The following SHPRH variants were observed in gnomAD, a reference collection of about 807,000 sequenced individuals.
SHPRH encodes SNF2 histone linker PHD RING helicase.
A neutral mutation model predicts 202.5 loss-of-function variants in SHPRH; 106 were observed. That is an observed-to-expected ratio of 0.52 (90% CI 0.45 to 0.62). The LOEUF (loss-of-function observed/expected upper bound fraction) is 0.62. Among genes scored for constraint, SHPRH ranks in the 20% least tolerant of loss-of-function variants. SHPRH has a pLI of 0.00. For synonymous variants in SHPRH, 729 were observed against 686.0 expected, an observed-to-expected ratio of 1.06 and a Z score of -0.98; for missense variants, 1,710 against 2,020.0, an observed-to-expected ratio of 0.85 and a Z score of 2.94.
At chr6:145,935,491 C>A in intron 11 of SHPRH, 50 bp from the exon 12 acceptor site, 1 of 1,580,152 alleles carries the variant, frequency 6.3e-7, no homozygotes, top group Non-Finnish European at 8.6e-7. Flanking sequence ...TACTTCATTA[C>A]TAGTTTGCAG....
intron 25 of SHPRH, chr6:145,907,378 A>G (rs2128731461): frequency 6.6e-6 from 1 of 152,168 alleles, no homozygotes; most frequent in African/African-American, 2.4e-5. Context: ...GCTCTCTCCA[A>G]ATTTCTTCTG....
intron 2 of SHPRH, among the ~76,000 whole-genome samples, chr6:145,954,400 G>C (rs1788282534): frequency 6.6e-6 from 1 of 152,010 alleles, no homozygotes; most frequent in Non-Finnish European, 1.5e-5. Flanking sequence ...CATTTGAAAA[G>C]GCAAAATAGC....
chr6:145,902,649 G>A (rs1256895301), intron 25 of SHPRH, among the ~76,000 whole-genome samples: 1 of 151,550 alleles, frequency 6.6e-6, no homozygotes, highest in East Asian at 1.9e-4. Flanking sequence ...GGAAAAAAGA[G>A]GGCGCAATAT....
Position 145,923,772 on chromosome 6 carries a change from G to A in SHPRH, c.3416C>T (p.Ser1139Phe), listed in dbSNP as rs1784628371. 3 of 1,607,606 alleles carry A rather than the reference G, an allele frequency of 1.9e-6. No homozygotes were observed. The highest frequency in any genetic ancestry group is 1.1e-5 in the South Asian group (1 of 90,048). The change falls in exon 18 of 30, where the codon TCT becomes TTT. Residue 1139 changes from serine to phenylalanine, a missense_variant. Transcript: ENST00000275233. ...GTGGATCACATTTAGCCACCAAGGA[G>A]AATTAGAATGAATCTGTAAAAAAGG... ...HELQRKIHSN[S>F]PWWLNVIHRA...
At chr6:145,961,705 G>A in intron 1 of SHPRH, among the ~76,000 whole-genome samples, 1 of 152,154 alleles carries the variant, frequency 6.6e-6, no homozygotes, top group East Asian at 1.9e-4. Flanking sequence ...GTACTTATCA[G>A]TGATAATGAT....
chr6:145,937,048 A>G (rs1786178129), intron 11 of SHPRH, among the ~76,000 whole-genome samples: 1 of 148,296 alleles, frequency 6.7e-6, no homozygotes, highest in African/African-American at 2.5e-5. Flanking sequence ...CAACGGTGCA[A>G]TCTCAGCTCA....
chr6:145,928,777 C>A (rs1318745998), intron 14 of SHPRH, among the ~76,000 whole-genome samples: 1 of 151,872 alleles, frequency 6.6e-6, no homozygotes, highest in East Asian at 1.9e-4. Context: ...TATTAGTTAG[C>A]TAATACAAAG....
intron 1 of SHPRH, 27 bp from the exon 2 acceptor site, chr6:145,955,381 G>C: frequency 3.3e-6 from 5 of 1,522,778 alleles, no homozygotes; most frequent in Non-Finnish European, 3.5e-6. Flanking sequence ...ACAACAGGAG[G>C]TATAACAAGA....
rs1583289888 is a variant in SHPRH at position 145,885,692 on chromosome 6, A to T, written c.*999T>A. 2 of 152,204 alleles carry T rather than the reference A, an allele frequency of 1.3e-5. No individual in the cohort carries two copies. The highest frequency in any genetic ancestry group is 2.4e-5 in the African/African-American group (1 of 41,468). The allele number at this position is 152,204 out of a possible 1,614,324, so 9.4% of individuals were successfully genotyped here. A position where few individuals can be genotyped will look rare whatever the true frequency, so the allele number is the denominator to read the frequency against. ...AACGATTTGCTTATGTGAACATGGC[A>T]TTCTCTTGTTCAAAAGGTCAAAGAC... On this transcript the variant is annotated 3_prime_UTR_variant, in exon 30 of 30. Transcript: ENST00000275233.
exon 3 of SHPRH, chr6:145,864,437 G>A (rs1399359841): frequency 2.5e-6 from 1 of 393,844 alleles, no homozygotes; most frequent in Admixed American, 2.7e-5. Flanking sequence ...GGGACCAGGG[G>A]TGGGAGAATG....
rs1786795088 is a variant in SHPRH, at chr6:145,941,711, T to C, written c.2402A>G (p.Tyr801Cys). The change falls in exon 10 of 30, where the codon TAT becomes TGT. Residue 801 changes from tyrosine (Y) to cysteine (C), a missense_variant. Physicochemically the swap from Tyr to Cys is radical, Grantham distance 194. This residue lies in a region of SHPRH where 277 missense variants were observed against 363.0 expected (regional missense o/e 0.76). Transcript: ENST00000275233. The part of the protein sequence containing the change: ...DGRRLRNQKR[Y>C]MAIPSPLVAV... The stretch of plus-strand genomic sequence containing the variant: ...TACCAGGGGGCTCGGGATAGCCATA[T>C]AGCGCTTCTGGTTCCGTAGGCGACG... 2.5e-6 allele frequency: 4 copies of C among 1,614,008 alleles called. No individual in the cohort carries two copies. Among genetic ancestry groups the C allele is most frequent in the Non-Finnish European group, 3.4e-6 (4 of 1,179,960 alleles).
At chr6:145,931,883 T>A (rs1334258821) in intron 14 of SHPRH, among the ~76,000 whole-genome samples, 1 of 129,898 alleles carries the variant, frequency 7.7e-6, no homozygotes, top group East Asian at 2.4e-4. Flanking sequence ...AAACCCACAA[T>A]ATATTTCTTT....
chr6:145,911,792 G>T (rs1478042401), intron 24 of SHPRH, among the ~76,000 whole-genome samples: 1 of 151,982 alleles, frequency 6.6e-6, no homozygotes, highest in Non-Finnish European at 1.5e-5. Flanking sequence ...TGAAAGAAGA[G>T]AAAACTGAGG....
chr6:145,858,657 A>G, the SHPRH span, among the ~76,000 whole-genome samples: 9 of 152,066 alleles, frequency 5.9e-5, no homozygotes, highest in Non-Finnish European at 1.2e-4. Context: ...TGATGGTTTC[A>G]TGGATGTCAA....
intron 2 of SHPRH, among the ~76,000 whole-genome samples, chr6:145,871,802 T>C (rs538347770): frequency 2.0e-5 from 3 of 152,056 alleles, no homozygotes; most frequent in East Asian, 1.9e-4. Flanking sequence ...AACTATACGA[T>C]AGGGCTACAG....
chr6:145,859,055 T>G, the SHPRH span, among the ~76,000 whole-genome samples: 6 of 152,064 alleles, frequency 3.9e-5, no homozygotes, highest in East Asian at 1.2e-3. Context: ...TATTATGGAC[T>G]AAGTATTCTA....
chr6:145,880,155 G>A (rs1485561085), downstream of SHPRH, among the ~76,000 whole-genome samples: 2 of 151,942 alleles, frequency 1.3e-5, no homozygotes, highest in Non-Finnish European at 2.9e-5. Flanking sequence ...ATGTTACCAG[G>A]TGTATCTCCA....
intron 28 of SHPRH, among the ~76,000 whole-genome samples, chr6:145,890,716 T>C (rs1286250360): frequency 6.6e-6 from 1 of 152,174 alleles, no homozygotes; most frequent in African/African-American, 2.4e-5. Flanking sequence ...AGTTACAGAA[T>C]AGAAATCTCC....
intron 25 of SHPRH, among the ~76,000 whole-genome samples, chr6:145,902,933 T>A (rs1476126455): frequency 6.6e-6 from 1 of 152,128 alleles, no homozygotes; most frequent in African/African-American, 2.4e-5. Context: ...TTAGTTTATA[T>A]CTTAGAAGTC....
Sources: gnomAD v4.1 joint callset for allele counts (sites outside exome capture counted in the v4.1 genomes callset) on GRCh38, gnomAD v4.1.1 for gene constraint, gnomAD v4.1.1 regional missense constraint, MANE v1.5 for transcripts, NCBI Gene and HGNC (gene_info 2026-07-23, HGNC 2026-07-21) for gene names.